ZC3H12B: variants seen among roughly 807,000 people sequenced by gnomAD.
ZC3H12B encodes zinc finger CCCH-type containing 12B.
A neutral mutation model predicts 43.9 loss-of-function variants in ZC3H12B; 7 were observed. The ratio of observed to expected loss-of-function variants is 0.16; its 90% CI spans 0.09 to 0.30. The LOEUF (loss-of-function observed/expected upper bound fraction) is 0.30. Among genes scored for constraint, ZC3H12B ranks in the 10% least tolerant of loss-of-function variants. The pLI, the probability that ZC3H12B is intolerant of heterozygous loss-of-function variation, is 1.00. For synonymous variants in ZC3H12B, 222 were observed against 241.7 expected, an observed-to-expected ratio of 0.92 and a Z score of 0.76; for missense variants, 475 against 670.2, an observed-to-expected ratio of 0.71 and a Z score of 3.22.
the ZC3H12B span, among the ~76,000 whole-genome samples, chrX:65,193,170 C>T: frequency 6.5e-5 from 7 of 107,883 alleles, no homozygotes; most frequent in African/African-American, 2.4e-4. Flanking sequence ...GTAGTTCTGG[C>T]CTCATAGAAT....
chrX:65,442,000 G>A (rs1374117850), intron 3 of ZC3H12B, among the ~76,000 whole-genome samples: 3 of 106,030 alleles, frequency 2.8e-5, no homozygotes, highest in Non-Finnish European at 5.8e-5. Context: ...CATATTTCAG[G>A]CTCAGCAGTT....
chrX:65,296,693 A>G, the ZC3H12B span, among the ~76,000 whole-genome samples: 5 of 110,868 alleles, frequency 4.5e-5, 1 homozygote, highest in African/African-American at 1.6e-4. Context: ...CCAGGGAAGG[A>G]CATAACAAAA....
the ZC3H12B span, among the ~76,000 whole-genome samples, chrX:65,140,114 A>T: frequency 9.0e-6 from 1 of 111,168 alleles, no homozygotes; most frequent in African/African-American, 3.3e-5. Flanking sequence ...CTGACAAGGA[A>T]TGCCAGTACT....
At chrX:65,396,887 T>C (rs900168419) in intron 2 of ZC3H12B, among the ~76,000 whole-genome samples, 2 of 111,904 alleles carry the variant, frequency 1.8e-5, no homozygotes, top group African/African-American at 6.5e-5. Flanking sequence ...TAGGTGCTTC[T>C]GTATTGGGTA....
the ZC3H12B span, among the ~76,000 whole-genome samples, chrX:65,081,445 T>C: frequency 1.8e-5 from 2 of 111,074 alleles, no homozygotes; most frequent in East Asian, 5.7e-4. Flanking sequence ...GAAAAAGATA[T>C]TCAATGCCAA....
chrX:65,089,241 A>G, the ZC3H12B span, among the ~76,000 whole-genome samples: 1 of 111,658 alleles, frequency 9.0e-6, no homozygotes, highest in East Asian at 2.8e-4. Flanking sequence ...ACGCAAACCT[A>G]GATGGTATAG....
chrX:65,090,917 GTGTA>G, the ZC3H12B span, among the ~76,000 whole-genome samples: 2 of 110,751 alleles, frequency 1.8e-5, no homozygotes, highest in Non-Finnish European at 3.8e-5. Flanking sequence ...TGTTTAAAAA[GTGTA>G]TGGCATCCCC....
At chrX:65,095,461 G>C in the ZC3H12B span, among the ~76,000 whole-genome samples, 1 of 111,140 alleles carries the variant, frequency 9.0e-6, no homozygotes, top group Non-Finnish European at 1.9e-5. Flanking sequence ...ATTGGAAAGA[G>C]AGAGAGGCAA....
the ZC3H12B span, among the ~76,000 whole-genome samples, chrX:65,052,689 C>T: frequency 2.7e-5 from 3 of 111,226 alleles, no homozygotes; most frequent in Non-Finnish European, 3.8e-5. Flanking sequence ...TGTTGATGGA[C>T]AAATAGGGTG....
the ZC3H12B span, among the ~76,000 whole-genome samples, chrX:65,236,662 G>A: frequency 9.0e-6 from 1 of 111,442 alleles, no homozygotes; most frequent in African/African-American, 3.3e-5. Flanking sequence ...ATTTTCTTCT[G>A]GATTTTTATA....
the ZC3H12B span, among the ~76,000 whole-genome samples, chrX:65,258,512 C>G: frequency 5.1e-4 from 57 of 111,646 alleles, no homozygotes; most frequent in African/African-American, 1.8e-3. Context: ...TGGAAGAAGA[C>G]AAGGATGTGC....
At chrX:65,419,451 G>A (rs1402242694) in intron 3 of ZC3H12B, among the ~76,000 whole-genome samples, 3 of 111,998 alleles carry the variant, frequency 2.7e-5, no homozygotes, top group Non-Finnish European at 5.6e-5. Flanking sequence ...TTGTTCTTTT[G>A]AAGAAACATG....
chrX:65,502,169 A>G (rs2068375870), exon 5 of ZC3H12B: 1 of 1,209,052 alleles, frequency 8.3e-7, no homozygotes, highest in Non-Finnish European at 1.1e-6. Flanking sequence ...CCGTTCGGCC[A>G]GCAGCCCAGT....
At chrX:65,465,967 A>G (rs1260207818) in intron 3 of ZC3H12B, among the ~76,000 whole-genome samples, 3 of 110,687 alleles carry the variant, frequency 2.7e-5, no homozygotes, top group African/African-American at 9.8e-5. Flanking sequence ...GCTAATTAGC[A>G]TATCCATCAC....
chrX:65,042,989 A>G, the ZC3H12B span, among the ~76,000 whole-genome samples: 2 of 111,522 alleles, frequency 1.8e-5, no homozygotes, highest in African/African-American at 6.5e-5. Context: ...TGGTTTATTC[A>G]AGAGATCCCA....
At chrX:65,327,989 C>T in the ZC3H12B span, 4 of 216,721 alleles carry the variant, frequency 1.8e-5, no homozygotes, top group Middle Eastern at 3.1e-3. Context: ...TAGTGCCTCT[C>T]ACACAGCTTT....
chrX:65,312,753 G>T, the ZC3H12B span, among the ~76,000 whole-genome samples: 1 of 111,948 alleles, frequency 8.9e-6, no homozygotes. Flanking sequence ...TCCTCACCTG[G>T]TGGAAGGGAA....
the ZC3H12B span, among the ~76,000 whole-genome samples, chrX:65,181,486 A>G: frequency 9.0e-6 from 1 of 111,709 alleles, no homozygotes; most frequent in African/African-American, 3.2e-5. Flanking sequence ...AATGGGAGAA[A>G]TTTTTTGCAA....
At chrX:65,183,239 A>G in the ZC3H12B span, among the ~76,000 whole-genome samples, 1 of 112,216 alleles carries the variant, frequency 8.9e-6, no homozygotes. Context: ...GGCCATAAAA[A>G]AAGAATGAGA....
Sources: allele counts gnomAD v4.1 joint callset (sites outside exome capture counted in the v4.1 genomes callset), GRCh38; gene constraint gnomAD v4.1.1; transcripts MANE v1.5; gene names NCBI Gene and HGNC (gene_info 2026-07-23, HGNC 2026-07-21).